Variants in CDKL4 observed in about 807,000 individuals in gnomAD.
The protein encoded by CDKL4 is cyclin-dependent kinase-like 4.
In CDKL4, 44 loss-of-function variants were observed where a neutral mutation model predicts 42.0. That is an observed-to-expected ratio of 1.05 (90% CI 0.82 to 1.35). The LOEUF is 1.35. CDKL4 is among the 40% of genes most tolerant of loss of function. The pLI is 0.00. For missense variants in CDKL4, 393 were observed against 369.9 expected (o/e 1.06, Z -0.51); for synonymous variants, 120 against 121.6 (o/e 0.99, Z 0.09).
intron 1 of CDKL4, among the ~76,000 whole-genome samples, chr2:39,232,070 T>C: frequency 6.6e-6 from 1 of 152,240 alleles, no homozygotes; most frequent in Non-Finnish European, 1.5e-5. Context: ...ATTATTTCCC[T>C]CTAGGTAGTT....
chr2:39,169,720 G>T, the CDKL4 span, among the ~76,000 whole-genome samples: 2 of 152,196 alleles, frequency 1.3e-5, no homozygotes, highest in African/African-American at 4.8e-5. Flanking sequence ...GAGAGTTGCA[G>T]TTTAGGCCTA....
At chr2:39,213,886 CTTTTT>C (rs924791287) in intron 3 of CDKL4, among the ~76,000 whole-genome samples, 2 of 149,126 alleles carry the variant, frequency 1.3e-5, no homozygotes, top group Non-Finnish European at 3.0e-5. Flanking sequence ...TCTCTCTGTA[CTTTTT>C]TTGTTTTGTT....
At chr2:39,176,536 C>T (rs758503024) in intron 9 of CDKL4, among the ~76,000 whole-genome samples, 3 of 152,130 alleles carry the variant, frequency 2.0e-5, no homozygotes, top group Admixed American at 6.6e-5. Context: ...CAGATTCAAG[C>T]GATTCTTGTG....
intron 2 of CDKL4, among the ~76,000 whole-genome samples, chr2:39,227,980 C>T (rs1573020252): frequency 6.6e-6 from 1 of 152,292 alleles, no homozygotes; most frequent in East Asian, 1.9e-4. Flanking sequence ...CTGTTCAGGA[C>T]CTACATGGAC....
chr2:39,244,468 C>T (rs980539500), upstream of CDKL4, among the ~76,000 whole-genome samples: 1 of 152,244 alleles, frequency 6.6e-6, no homozygotes, highest in African/African-American at 2.4e-5. Flanking sequence ...GCCAGCCCAC[C>T]GGCGCTGCGC....
At chr2:39,222,733 T>C (rs1678453979) in intron 3 of CDKL4, among the ~76,000 whole-genome samples, 1 of 152,192 alleles carries the variant, frequency 6.6e-6, no homozygotes, top group African/African-American at 2.4e-5. Context: ...GAGAAAGATG[T>C]TCAAGTCAAG....
In CDKL4 at chr2:39,179,221, G is replaced by A. The variant is rs368708341; in HGVS notation, c.893C>T (p.Ala298Val). 109 of 1,613,162 alleles carry A rather than the reference G, an allele frequency of 6.8e-5. 1 individual carries two copies. The highest frequency in any genetic ancestry group is 4.4e-4 in the African/African-American group (33 of 74,944). Residue 298 changes from alanine (A) to valine (V), a missense_variant, in exon 9 of 10, where the codon GCA becomes GTA. Transcript: ENST00000451199. Reference sequence around the variant, plus strand: ...TCTTCTGTTTCTTCCTTCATTACGTGCTTTTCTTTTAATTTGGGCCTCTTG... The same window carrying A: ...TCTTCTGTTTCTTCCTTCATTACGTACTTTTCTTTTAATTTGGGCCTCTTG...
At chr2:39,231,762 T>C (rs1220383912) in intron 1 of CDKL4, among the ~76,000 whole-genome samples, 1 of 152,202 alleles carries the variant, frequency 6.6e-6, no homozygotes, top group Non-Finnish European at 1.5e-5. Flanking sequence ...AGAAAGTTAT[T>C]GGCATCTGGC....
intron 4 of CDKL4, among the ~76,000 whole-genome samples, chr2:39,209,299 A>G (rs1183446198): frequency 6.8e-6 from 1 of 147,962 alleles, no homozygotes; most frequent in Non-Finnish European, 1.5e-5. Flanking sequence ...GAAACAGAGC[A>G]AGATCCTGTC....
At chr2:39,185,201 C>T (rs1209801774) in intron 7 of CDKL4, among the ~76,000 whole-genome samples, 2 of 26,126 alleles carry the variant, frequency 7.7e-5, no homozygotes, top group African/African-American at 1.9e-4. Flanking sequence ...CATATATATA[C>T]ACATACGTAT....
intron 8 of CDKL4, among the ~76,000 whole-genome samples, chr2:39,183,575 TG>T (rs1675559602): frequency 6.6e-6 from 1 of 152,338 alleles, no homozygotes; most frequent in South Asian, 2.1e-4. Flanking sequence ...AGGTTGTCTC[TG>T]GCTTCCATCT....
chr2:39,190,975 C>T (rs150984058), intron 5 of CDKL4, among the ~76,000 whole-genome samples: 7 of 152,252 alleles, frequency 4.6e-5, no homozygotes, highest in African/African-American at 1.7e-4. Flanking sequence ...TTAGGGTGGA[C>T]TCTAAATCCA....
At chr2:39,190,398 T>C (rs993691057) in exon 6 of CDKL4, 4 of 1,613,826 alleles carry the variant, frequency 2.5e-6, no homozygotes, top group Non-Finnish European at 3.4e-6. Flanking sequence ...ACACAACCAA[T>C]AGCCCATATA....
At chr2:39,196,384 T>C (rs1426350668) in intron 5 of CDKL4, among the ~76,000 whole-genome samples, 1 of 152,108 alleles carries the variant, frequency 6.6e-6, no homozygotes, top group African/African-American at 2.4e-5. Flanking sequence ...CAGAGCCTGG[T>C]AGCTTCTCTG....
chr2:39,168,717 A>C, the CDKL4 span, among the ~76,000 whole-genome samples: 5 of 151,356 alleles, frequency 3.3e-5, no homozygotes, highest in Admixed American at 6.6e-5. Flanking sequence ...TCTAAAAAAA[A>C]AAAAAGAGAG....
At chr2:39,208,701 CTTTT>C (rs761337117) in intron 4 of CDKL4, among the ~76,000 whole-genome samples, 9 of 102,008 alleles carry the variant, frequency 8.8e-5, no homozygotes, top group Admixed American at 1.0e-4. Flanking sequence ...GACGGGCAAT[CTTTT>C]TTTTTTTTTT....
intron 9 of CDKL4, 69 bp from the exon 10 acceptor site, chr2:39,176,165 A>C: frequency 2.5e-6 from 1 of 407,302 alleles, no homozygotes; most frequent in Non-Finnish European, 5.0e-6. Flanking sequence ...AGTTTGATTG[A>C]AAGATGATAA....
chr2:39,226,465 T>TA (rs1491573672), intron 2 of CDKL4, among the ~76,000 whole-genome samples: 1 of 102,768 alleles, frequency 9.7e-6, no homozygotes, highest in East Asian at 2.0e-4. Flanking sequence ...ATTATATATA[T>TA]TATATATATA....
intron 9 of CDKL4, chr2:39,178,800 C>T (rs1572935593): frequency 2.6e-6 from 4 of 1,563,972 alleles, no homozygotes; most frequent in Middle Eastern, 1.7e-4. Context: ...ACCGTTATTG[C>T]ACATCTGGAG....
Sources: allele counts gnomAD v4.1 joint callset (sites outside exome capture counted in the v4.1 genomes callset), GRCh38; gene constraint gnomAD v4.1.1; transcripts MANE v1.5; gene names NCBI Gene and HGNC (gene_info 2026-07-23, HGNC 2026-07-21).